Variants in FER1L6 observed in about 807,000 individuals in gnomAD.
FER1L6 encodes the protein fer-1 like family member 6.
FER1L6 carries 177 observed loss-of-function variants against 219.2 expected under a neutral mutation model. The observed-to-expected ratio is 0.81, with a 90% CI of 0.71 to 0.91. FER1L6 has a LOEUF of 0.91. Ranked by LOEUF, FER1L6 falls within the 40% of genes least tolerant of loss-of-function variation. FER1L6 has a pLI of 0.00. For missense variants in FER1L6, 2,153 were observed against 2,259.9 expected, an observed-to-expected ratio of 0.95 and a Z score of 0.96; for synonymous variants, 768 against 824.3, an observed-to-expected ratio of 0.93 and a Z score of 1.17.
At chr8:124,006,678 A>G (rs1788464179) in intron 13 of FER1L6, among the ~76,000 whole-genome samples, 1 of 152,222 alleles carries the variant, frequency 6.6e-6, no homozygotes, top group South Asian at 2.1e-4. Context: ...AAGATATCCA[A>G]TGACAGGTCA....
chr8:123,868,361 A>G (rs1816871833), intron 1 of FER1L6, among the ~76,000 whole-genome samples: 1 of 152,210 alleles, frequency 6.6e-6, no homozygotes, highest in African/African-American at 2.4e-5. Context: ...ATGATAAGCA[A>G]AAGCCTAAAA....
chr8:124,004,922 C>T (rs1165491964), intron 13 of FER1L6, among the ~76,000 whole-genome samples: 3 of 151,162 alleles, frequency 2.0e-5, no homozygotes, highest in East Asian at 2.0e-4. Flanking sequence ...TGCTTGAACC[C>T]GGGAGGCAGA....
chr8:124,011,521 T>A (rs1044622666), intron 14 of FER1L6, among the ~76,000 whole-genome samples: 1 of 152,018 alleles, frequency 6.6e-6, no homozygotes, highest in African/African-American at 2.4e-5. Flanking sequence ...GGCTAATTTT[T>A]AAAATATTTT....
intron 1 of FER1L6, among the ~76,000 whole-genome samples, chr8:123,901,762 A>G (rs1483128658): frequency 2.0e-5 from 3 of 150,662 alleles, no homozygotes; most frequent in Non-Finnish European, 4.4e-5. Flanking sequence ...TCTGTTGCCC[A>G]GTTTGGAGTG....
chr8:123,922,929 C>G (rs1194150031), intron 1 of FER1L6, among the ~76,000 whole-genome samples: 1 of 151,838 alleles, frequency 6.6e-6, no homozygotes, highest in African/African-American at 2.4e-5. Flanking sequence ...AATCTCATTG[C>G]CTGGCCCTGG....
chr8:123,856,292 G>GTATA lies in FER1L6; in HGVS notation c.-8+4121_-8+4124dup, dbSNP rs1255382948. ...TGTATATGTGTATATATGTGTGTGTGTATATATATATATATATGTATGTGT... is the reference window on the plus strand; with the variant it reads ...TGTATATGTGTATATATGTGTGTGTGTATATATATATATATATATATGTATGTGT... On this transcript the variant is annotated intron_variant, in intron 1 of 40. Transcript: ENST00000522917. Among the ~76,000 whole-genome samples the GTATA allele has an allele frequency of 4.4e-5, 3 of 67,464 alleles. No homozygotes were observed. The East Asian group carries it at 9.1e-4, about 21-fold the overall frequency. 44.3% of individuals were successfully genotyped at this position (67,464 alleles called of 152,430 possible).
intron 12 of FER1L6, among the ~76,000 whole-genome samples, chr8:123,994,831 G>A (rs1239103073): frequency 6.6e-6 from 1 of 152,236 alleles, no homozygotes; most frequent in East Asian, 1.9e-4. Context: ...CCCCTGTGAG[G>A]TAGGATCAGG....
At chr8:123,981,759 C>T (rs546986788) in intron 11 of FER1L6, among the ~76,000 whole-genome samples, 4 of 152,070 alleles carry the variant, frequency 2.6e-5, no homozygotes, top group South Asian at 4.2e-4. Flanking sequence ...GTTATGGCTC[C>T]GATACTAACA....
chr8:124,060,343 C>T (rs1820506761), intron 23 of FER1L6, 53 bp downstream of exon 23: 24 of 1,552,948 alleles, frequency 1.5e-5, no homozygotes, highest in Non-Finnish European at 2.1e-5. Context: ...GGGCAGTGGC[C>T]CCACCTGAAT....
intron 12 of FER1L6, among the ~76,000 whole-genome samples, chr8:123,999,745 G>A (rs1179664870): frequency 6.6e-6 from 1 of 152,186 alleles, no homozygotes; most frequent in Non-Finnish European, 1.5e-5. Flanking sequence ...ACAACTCTGT[G>A]TGGTGCTAAT....
At chr8:123,918,440 A>G (rs1586464110) in intron 1 of FER1L6, among the ~76,000 whole-genome samples, 1 of 152,200 alleles carries the variant, frequency 6.6e-6, no homozygotes, top group Non-Finnish European at 1.5e-5. Flanking sequence ...TTCTATAATT[A>G]TCATCCTTGT....
chr8:124,055,441 A>G (rs1018382217), intron 22 of FER1L6, among the ~76,000 whole-genome samples: 4 of 152,164 alleles, frequency 2.6e-5, no homozygotes, highest in Admixed American at 1.3e-4. Context: ...TGTGTAAGCC[A>G]GATTTCAACT....
intron 11 of FER1L6, 65 bp from the exon 12 acceptor site, chr8:123,986,003 C>A (rs1816559177): frequency 1.1e-6 from 1 of 907,602 alleles, no homozygotes; most frequent in Non-Finnish European, 1.8e-6. Context: ...GCCAGCATCA[C>A]AAAGTCAGCT....
At chr8:123,892,868 C>T (rs1812674324) in intron 1 of FER1L6, among the ~76,000 whole-genome samples, 1 of 152,070 alleles carries the variant, frequency 6.6e-6, no homozygotes, top group Admixed American at 6.6e-5. Flanking sequence ...ACAAGAGAGA[C>T]ATATTAAGCT....
intron 1 of FER1L6, among the ~76,000 whole-genome samples, chr8:123,896,134 C>T (rs1282079039): frequency 6.6e-6 from 1 of 152,086 alleles, no homozygotes; most frequent in Non-Finnish European, 1.5e-5. Flanking sequence ...GGCCTTGTCC[C>T]AGGAGGTAAC....
intron 12 of FER1L6, 83 bp from the exon 13 acceptor site, chr8:124,003,084 C>T: frequency 8.6e-7 from 1 of 1,161,940 alleles, no homozygotes; most frequent in South Asian, 1.4e-5. Flanking sequence ...TGTGGGAGAA[C>T]ATGAGTTTGG....
chr8:123,871,773 A>G (rs905795089), intron 1 of FER1L6, among the ~76,000 whole-genome samples: 6 of 152,178 alleles, frequency 3.9e-5, no homozygotes, highest in African/African-American at 1.2e-4. Flanking sequence ...GAAAAGAGTC[A>G]CTTTAAAGTG....
intron 1 of FER1L6, among the ~76,000 whole-genome samples, chr8:123,879,176 C>T (rs550074743): frequency 6.6e-6 from 1 of 152,248 alleles, no homozygotes; most frequent in South Asian, 2.1e-4. Flanking sequence ...TGATGGCGTG[C>T]TCCCATAGTC....
intron 1 of FER1L6, among the ~76,000 whole-genome samples, chr8:123,938,922 T>C (rs1157128005): frequency 6.6e-6 from 1 of 152,222 alleles, no homozygotes; most frequent in Non-Finnish European, 1.5e-5. Context: ...CAAACAAAGC[T>C]TTAATATAAT....
Sources: gnomAD v4.1 joint callset for allele counts (sites outside exome capture counted in the v4.1 genomes callset) on GRCh38, gnomAD v4.1.1 for gene constraint, MANE v1.5 for transcripts, NCBI Gene and HGNC (gene_info 2026-07-23, HGNC 2026-07-21) for gene names.